Variants in IGSF5 observed in about 807,000 individuals in gnomAD.
IGSF5 encodes the protein immunoglobulin superfamily member 5.
IGSF5 carries 41 observed loss-of-function variants against 39.4 expected under a neutral mutation model. The observed-to-expected ratio is 1.04, with a 90% CI of 0.81 to 1.35. The LOEUF (loss-of-function observed/expected upper bound fraction) is 1.35, where lower values mean the gene tolerates loss of function less well. Among genes scored for constraint, IGSF5 ranks in the 40% most tolerant of loss-of-function variants. The pLI is 0.00. For missense variants in IGSF5, 487 were observed against 494.6 expected (o/e 0.98, Z 0.15); for synonymous variants, 183 against 175.3 (o/e 1.04, Z -0.34).
chr21:39,773,477 T>TTTTC (rs1555943403), intron 4 of IGSF5, among the ~76,000 whole-genome samples: 2 of 59,296 alleles, frequency 3.4e-5, no homozygotes, highest in Admixed American at 2.1e-4. Context: ...TTCTTCCTTT[T>TTTTC]CTTTTTTTTT....
At chr21:39,777,308 A>G (rs545899862) in intron 4 of IGSF5, among the ~76,000 whole-genome samples, 1 of 152,316 alleles carries the variant, frequency 6.6e-6, no homozygotes, top group East Asian at 1.9e-4. Flanking sequence ...GGCTGCGTAC[A>G]AGGGATTCCC....
intron 4 of IGSF5, among the ~76,000 whole-genome samples, chr21:39,772,426 TTGG>T (rs1457296165): frequency 6.6e-6 from 1 of 152,196 alleles, no homozygotes; most frequent in African/African-American, 2.4e-5. Context: ...GACCACAGGC[TTGG>T]TGGCTTAAAC....
chr21:39,727,111 A>G, the IGSF5 span, among the ~76,000 whole-genome samples: 1 of 152,034 alleles, frequency 6.6e-6, no homozygotes, highest in African/African-American at 2.4e-5. Flanking sequence ...TCTGGAAACC[A>G]AATCTTGGAA....
the IGSF5 span, among the ~76,000 whole-genome samples, chr21:39,738,004 G>C: frequency 0.011 from 1,652 of 152,292 alleles, 21 homozygotes; most frequent in African/African-American, 0.038. The surrounding 1 kb of genome is among the most constrained non-coding windows in gnomAD (Gnocchi z 6.4). Context: ...TGGGAGTTAT[G>C]AGCCAGGAAC....
chr21:39,738,864 C>T, the IGSF5 span, among the ~76,000 whole-genome samples: 9 of 151,724 alleles, frequency 5.9e-5, no homozygotes, highest in African/African-American at 2.2e-4. This position sits in a 1 kb window ranked among gnomAD's most constrained non-coding sequence, Gnocchi z 6.4. Flanking sequence ...ATGCCCTCCT[C>T]TCTGGCAGAT....
At chr21:39,772,626 A>AT (rs1229635638) in intron 4 of IGSF5, among the ~76,000 whole-genome samples, 4 of 152,172 alleles carry the variant, frequency 2.6e-5, no homozygotes, top group Non-Finnish European at 4.4e-5. Context: ...GTGTTGTCCC[A>AT]TTTTTTATGG....
rs754052290 is a variant in IGSF5 at position 39,765,688 on chromosome 21, A to C, written c.254A>C (p.Glu85Ala). ...GTGGTGCTAAGCGTCAGGCCCATGG[A>C]GCCCATCATCACCAATGACCGCTTC... ...DMVVLSVRPM[E>A]PIITNDRFTS... The change falls in exon 3 of 9, where the codon GAG becomes GCG. Residue 85 changes from glutamate (E) to alanine (A), a missense_variant. By Grantham distance (107) the Glu-to-Ala change is moderately radical. Coordinates refer to ENST00000380588, the MANE Select transcript of IGSF5 (RefSeq NM_001080444.2). 6 of 1,614,080 alleles carry C rather than the reference A, an allele frequency of 3.7e-6. No homozygotes were observed. The highest frequency in any genetic ancestry group is 5.1e-6 in the Non-Finnish European group (6 of 1,180,006).
At chr21:39,724,603 A>G in the IGSF5 span, among the ~76,000 whole-genome samples, 1 of 152,194 alleles carries the variant, frequency 6.6e-6, no homozygotes. Context: ...GCCTTCCGCC[A>G]TGACTGTGAG....
the IGSF5 span, among the ~76,000 whole-genome samples, chr21:39,736,904 A>T: frequency 2.0e-5 from 3 of 152,306 alleles, no homozygotes; most frequent in African/African-American, 7.2e-5. Flanking sequence ...CGACTGACGC[A>T]TGATGACAGA....
the IGSF5 span, among the ~76,000 whole-genome samples, chr21:39,737,976 GAGT>G: frequency 6.6e-6 from 1 of 152,212 alleles, no homozygotes; most frequent in Non-Finnish European, 1.5e-5. Flanking sequence ...TTACTCAAGA[GAGT>G]ACGCAGAAGG....
chr21:39,732,217 T>A, the IGSF5 span, among the ~76,000 whole-genome samples: 1 of 152,210 alleles, frequency 6.6e-6, no homozygotes, highest in Non-Finnish European at 1.5e-5. Flanking sequence ...CCTGCCCAGA[T>A]TGCAAAATAA....
upstream of IGSF5, among the ~76,000 whole-genome samples, chr21:39,743,504 C>T (rs78965825): frequency 0.086 from 8,004 of 93,022 alleles, no homozygotes; most frequent in Non-Finnish European, 0.1. Flanking sequence ...TTCTCCTCCT[C>T]CCGCTGCTTG....
intron 8 of IGSF5, among the ~76,000 whole-genome samples, chr21:39,796,229 A>T (rs2086995431): frequency 6.6e-6 from 1 of 152,138 alleles, no homozygotes; most frequent in African/African-American, 2.4e-5. Context: ...TCAACTGGCC[A>T]CTTGAGAGCT....
At chr21:39,792,539 G>GTT (rs5843977) in intron 7 of IGSF5, among the ~76,000 whole-genome samples, 1 of 151,816 alleles carries the variant, frequency 6.6e-6, no homozygotes. Flanking sequence ...AAAAAAAATT[G>GTT]TTTTTTCCCC....
At position 39,801,447 on chromosome 21, in the gene IGSF5, C is replaced by A; in HGVS notation, c.*90C>A. 1.1e-6 allele frequency: 1 copy of A among 899,476 alleles called. No individual in the cohort carries two copies. Among genetic ancestry groups the A allele is most frequent in the Non-Finnish European group, 1.8e-6 (1 of 565,086 alleles). The allele number at this position is 899,476 out of a possible 1,614,324, so 55.7% of individuals were successfully genotyped here. On this transcript the variant is annotated 3_prime_UTR_variant, in exon 9 of 9. Coordinates refer to ENST00000380588, the MANE Select transcript of IGSF5 (RefSeq NM_001080444.2). ...TCCTTTCCATCCTAAGACTGGCCTGCAGCTTTGCCAACATTACCTGAAGAG... is the reference window on the plus strand; with the variant it reads ...TCCTTTCCATCCTAAGACTGGCCTGAAGCTTTGCCAACATTACCTGAAGAG...
At position 39,758,231 on chromosome 21, in the gene IGSF5, G is replaced by A. The variant is rs1341463832; in HGVS notation, c.101-7304G>A. On this transcript the variant is annotated intron_variant, in intron 2 of 8. Coordinates refer to ENST00000380588, the MANE Select transcript of IGSF5 (RefSeq NM_001080444.2). ...GCTGGAACACACAACTGCCAGAAGG[G>A]TCTTTCTCAGCCTCTTCCCACTGCA... Among the ~76,000 whole-genome samples, 16 of 152,018 alleles carry A rather than the reference G, an allele frequency of 1.1e-4. No homozygotes were observed. In the East Asian group the frequency reaches 2.5e-3, roughly 24 times the overall value.
the IGSF5 span, among the ~76,000 whole-genome samples, chr21:39,739,593 C>G: frequency 6.6e-6 from 1 of 152,128 alleles, no homozygotes; most frequent in South Asian, 2.1e-4. Context: ...TCCTGTCTGT[C>G]AGTCCTCTCT....
chr21:39,790,398 T>C (rs2086956965), intron 6 of IGSF5, among the ~76,000 whole-genome samples: 1 of 152,142 alleles, frequency 6.6e-6, no homozygotes, highest in South Asian at 2.1e-4. Flanking sequence ...GGTGGCTCAC[T>C]CCTGTAGTCC....
the IGSF5 span, among the ~76,000 whole-genome samples, chr21:39,718,866 A>G: frequency 4.6e-5 from 7 of 152,058 alleles, no homozygotes; most frequent in African/African-American, 1.7e-4. Context: ...GGCCTCATAG[A>G]ATGAGTTGGG....
Sources: allele counts gnomAD v4.1 joint callset (sites outside exome capture counted in the v4.1 genomes callset), GRCh38; gene constraint gnomAD v4.1.1; non-coding constraint Gnocchi (gnomAD v3.1); transcripts MANE v1.5; gene names NCBI Gene and HGNC (gene_info 2026-07-23, HGNC 2026-07-21).